Variants in NKAIN3 observed in about 807,000 individuals in gnomAD.
The protein encoded by NKAIN3 is sodium/potassium-transporting ATPase subunit beta-1-interacting protein 3.
In NKAIN3, 25 loss-of-function variants were observed where a neutral mutation model predicts 30.2. The observed-to-expected ratio is 0.83, with a 90% CI of 0.60 to 1.16. NKAIN3 has a LOEUF of 1.16. Among genes scored for constraint, NKAIN3 ranks in the 50% most tolerant of loss-of-function variants. NKAIN3 has a pLI of 0.00. For missense variants in NKAIN3, 225 were observed against 254.1 expected, an observed-to-expected ratio of 0.89 and a Z score of 0.78; for synonymous variants, 91 against 89.6, an observed-to-expected ratio of 1.02 and a Z score of -0.09.
intron 4 of NKAIN3, among the ~76,000 whole-genome samples, chr8:62,858,440 C>T (rs891183705): frequency 1.3e-5 from 2 of 152,202 alleles, no homozygotes; most frequent in African/African-American, 4.8e-5. Flanking sequence ...CCAAAGCCCA[C>T]AAGCTGGACT....
At chr8:62,330,519 C>A (rs913802888) in intron 1 of NKAIN3, among the ~76,000 whole-genome samples, 1 of 151,742 alleles carries the variant, frequency 6.6e-6, no homozygotes, top group Admixed American at 6.6e-5. Context: ...TTTAATTTAC[C>A]CCACTAAGAC....
intron 1 of NKAIN3, among the ~76,000 whole-genome samples, chr8:62,408,428 C>T (rs1477138398): frequency 6.6e-6 from 1 of 152,088 alleles, no homozygotes; most frequent in Non-Finnish European, 1.5e-5. Context: ...TAGAGTATGA[C>T]TGTACCCATC....
intron 3 of NKAIN3, among the ~76,000 whole-genome samples, chr8:62,653,024 T>G (rs570451723): frequency 2.6e-5 from 4 of 152,322 alleles, no homozygotes; most frequent in African/African-American, 9.6e-5. Context: ...ATTGTCATTA[T>G]GAATTTGTGT....
chr8:62,992,100 C>T (rs1161703223), intron 5 of NKAIN3, among the ~76,000 whole-genome samples: 4 of 151,854 alleles, frequency 2.6e-5, no homozygotes, highest in Non-Finnish European at 5.9e-5. Flanking sequence ...CACTCTGCAG[C>T]TTACATCTCC....
At chr8:62,629,257 T>G (rs1811880569) in intron 3 of NKAIN3, among the ~76,000 whole-genome samples, 1 of 152,118 alleles carries the variant, frequency 6.6e-6, no homozygotes, top group African/African-American at 2.4e-5. Flanking sequence ...ACCTCTACCC[T>G]TTTTTGCATG....
At chr8:62,264,970 T>C (rs1052295542) in intron 1 of NKAIN3, among the ~76,000 whole-genome samples, 1 of 152,150 alleles carries the variant, frequency 6.6e-6, no homozygotes, top group Non-Finnish European at 1.5e-5. Context: ...CCCATATGGC[T>C]GAGAAAGGAG....
At chr8:62,595,698 C>G (rs1335492756) in intron 3 of NKAIN3, among the ~76,000 whole-genome samples, 1 of 151,920 alleles carries the variant, frequency 6.6e-6, no homozygotes, top group Non-Finnish European at 1.5e-5. Context: ...TCTTAGTTGG[C>G]CTAGGAAATT....
At chr8:62,460,832 G>A (rs1044099290) in intron 1 of NKAIN3, among the ~76,000 whole-genome samples, 7 of 152,174 alleles carry the variant, frequency 4.6e-5, no homozygotes, top group Non-Finnish European at 5.9e-5. Context: ...TAAAACAATT[G>A]GAGGGAAGTA....
At chr8:62,771,062 T>G (rs1816992691) in intron 4 of NKAIN3, among the ~76,000 whole-genome samples, 1 of 110,954 alleles carries the variant, frequency 9.0e-6, no homozygotes, top group African/African-American at 2.5e-5. Context: ...TAATTGGTAT[T>G]GTACATTTTA....
At chr8:62,593,929 G>A (rs968663602) in intron 3 of NKAIN3, among the ~76,000 whole-genome samples, 4 of 151,952 alleles carry the variant, frequency 2.6e-5, no homozygotes, top group Admixed American at 1.3e-4. Flanking sequence ...CTCAGTGGGG[G>A]TCTGTTCAGA....
intron 1 of NKAIN3, among the ~76,000 whole-genome samples, chr8:62,251,719 T>G (rs1459813689): frequency 6.6e-6 from 1 of 152,182 alleles, no homozygotes; most frequent in Admixed American, 6.5e-5. Flanking sequence ...CTCCATTATT[T>G]AAAAAGCCTA....
intron 4 of NKAIN3, among the ~76,000 whole-genome samples, chr8:62,915,016 C>T (rs933582278): frequency 2.6e-5 from 4 of 152,020 alleles, no homozygotes; most frequent in Non-Finnish European, 5.9e-5. Context: ...TCCCATTGTT[C>T]AACTCCCACT....
At chr8:62,814,452 C>T (rs376580348) in intron 4 of NKAIN3, among the ~76,000 whole-genome samples, 1 of 151,936 alleles carries the variant, frequency 6.6e-6, no homozygotes, top group East Asian at 1.9e-4. Flanking sequence ...CATGCCACAC[C>T]TATTCCAAAA....
intron 3 of NKAIN3, among the ~76,000 whole-genome samples, chr8:62,700,538 A>G (rs998613527): frequency 6.6e-6 from 1 of 152,204 alleles, no homozygotes; most frequent in African/African-American, 2.4e-5. Flanking sequence ...TTTTCCATTC[A>G]TCCCCTAATT....
intron 1 of NKAIN3, among the ~76,000 whole-genome samples, chr8:62,486,309 A>C (rs1277436559): frequency 6.6e-6 from 1 of 152,110 alleles, no homozygotes; most frequent in Admixed American, 6.6e-5. Context: ...GACCCTTAGT[A>C]TGTTGGTGTC....
intron 4 of NKAIN3, among the ~76,000 whole-genome samples, chr8:62,870,266 A>AGATATC (rs1563604003): frequency 3.0e-5 from 4 of 132,480 alleles, no homozygotes; most frequent in Admixed American, 7.6e-5. Context: ...ATATATCTAT[A>AGATATC]TATAGATATA....
intron 1 of NKAIN3, among the ~76,000 whole-genome samples, chr8:62,477,437 T>A (rs1363339338): frequency 6.6e-6 from 1 of 152,108 alleles, no homozygotes; most frequent in Non-Finnish European, 1.5e-5. Context: ...GAAAGAGCAA[T>A]GCAGGCTTTA....
At chr8:62,593,570 T>G (rs1254515401) in intron 3 of NKAIN3, among the ~76,000 whole-genome samples, 3 of 151,718 alleles carry the variant, frequency 2.0e-5, no homozygotes, top group Admixed American at 6.6e-5. Context: ...ACAATACAAA[T>G]TATCAATTCA....
chr8:62,860,748 G>A (rs1168684723), intron 4 of NKAIN3, among the ~76,000 whole-genome samples: 1 of 152,220 alleles, frequency 6.6e-6, no homozygotes. Flanking sequence ...TTGACCTTAG[G>A]TTGCAAGTGG....
Sources: allele counts gnomAD v4.1 joint callset (sites outside exome capture counted in the v4.1 genomes callset), GRCh38; gene constraint gnomAD v4.1.1; transcripts MANE v1.5; gene names NCBI Gene and HGNC (gene_info 2026-07-23, HGNC 2026-07-21).